CDH13: variants seen among roughly 807,000 people sequenced by gnomAD.
CDH13 encodes cadherin-13.
Under a neutral mutation model 63.8 loss-of-function variants are expected in CDH13, and 24 were observed. The ratio of observed to expected loss-of-function variants is 0.38; its 90% CI spans 0.27 to 0.53. CDH13 has a LOEUF of 0.53. Among genes scored for constraint, CDH13 ranks in the 20% least tolerant of loss-of-function variants. The probability of loss-of-function intolerance (pLI) is 0.85; values close to 1 mark genes in which losing one functional copy is unlikely to be tolerated. For missense variants in CDH13, 1,049 were observed against 903.1 expected (o/e 1.16, Z -2.07); for synonymous variants, 503 against 355.3 (o/e 1.42, Z -4.67).
chr16:82,727,472 C>G (rs1193699701), intron 1 of CDH13: 5 of 152,116 alleles, frequency 3.3e-5, no homozygotes, highest in Admixed American at 2.6e-4. Context: ...CCCTCTCTAC[C>G]CAGGAGAATA....
intron 7 of CDH13, among the ~76,000 whole-genome samples, chr16:83,490,629 A>G (rs1393109567): frequency 6.6e-6 from 1 of 152,146 alleles, no homozygotes; most frequent in Non-Finnish European, 1.5e-5. Flanking sequence ...TTGTGGGATG[A>G]TGTTTGGCTT....
chr16:82,877,695 A>G (rs1159771952), intron 2 of CDH13, among the ~76,000 whole-genome samples: 1 of 152,088 alleles, frequency 6.6e-6, no homozygotes, highest in Non-Finnish European at 1.5e-5. Context: ...AATATTCCAG[A>G]AAGCATGCAA....
chr16:83,534,475 A>G (rs758611252), intron 7 of CDH13, among the ~76,000 whole-genome samples: 1 of 152,252 alleles, frequency 6.6e-6, no homozygotes, highest in Non-Finnish European at 1.5e-5. Context: ...CAAATAAGCC[A>G]TCAAATGTTA....
chr16:83,350,417 A>G (rs1451421140), intron 6 of CDH13, among the ~76,000 whole-genome samples: 2 of 152,250 alleles, frequency 1.3e-5, no homozygotes, highest in African/African-American at 4.8e-5. Flanking sequence ...GTCCTGAAAG[A>G]TGCACATTGC....
At chr16:83,496,479 C>G (rs2074147069) in intron 7 of CDH13, among the ~76,000 whole-genome samples, 1 of 151,440 alleles carries the variant, frequency 6.6e-6, no homozygotes, top group African/African-American at 2.4e-5. Context: ...GAAACTGGAT[C>G]CCTTCCTTAC....
intron 6 of CDH13, among the ~76,000 whole-genome samples, chr16:83,382,655 G>T (rs140407067): frequency 5.8e-4 from 88 of 152,162 alleles, no homozygotes; most frequent in African/African-American, 2.1e-3. Context: ...TCCACACCCC[G>T]TTCAGGGTTT....
At chr16:83,216,098 C>T (rs189704747) in intron 4 of CDH13, among the ~76,000 whole-genome samples, 73 of 151,942 alleles carry the variant, frequency 4.8e-4, no homozygotes, top group African/African-American at 1.3e-3. Context: ...TGTCTGCCTG[C>T]TGCCTTTGTC....
intron 7 of CDH13, among the ~76,000 whole-genome samples, chr16:83,594,676 G>A (rs1701141998): frequency 1.3e-5 from 2 of 152,188 alleles, no homozygotes; most frequent in African/African-American, 4.8e-5. Flanking sequence ...ATGGGGTACT[G>A]TGTGGGTTAA....
chr16:83,713,635 C>T (rs1282937216), intron 10 of CDH13, among the ~76,000 whole-genome samples: 2 of 152,120 alleles, frequency 1.3e-5, no homozygotes, highest in Non-Finnish European at 2.9e-5. Flanking sequence ...AAACCTAACT[C>T]AAACCAGAAT....
chr16:83,346,710 C>T (rs1597800292), intron 6 of CDH13, among the ~76,000 whole-genome samples: 2 of 152,116 alleles, frequency 1.3e-5, no homozygotes, highest in Admixed American at 6.5e-5. Context: ...CATGTATATA[C>T]ATGTAATATT....
intron 8 of CDH13, among the ~76,000 whole-genome samples, chr16:83,629,284 A>G (rs1419590247): frequency 6.6e-6 from 1 of 152,230 alleles, no homozygotes; most frequent in Non-Finnish European, 1.5e-5. Flanking sequence ...GATTTTAAAA[A>G]TATATTTTAT....
rs78500438 is a variant in CDH13 at position 83,139,590 on chromosome 16, A to G, written c.483+14089A>G. Among the ~76,000 whole-genome samples, 271 of 152,328 alleles carry G rather than the reference A, an allele frequency of 1.8e-3. 1 individual carries two copies. The highest frequency in any genetic ancestry group is 5.6e-3 in the African/African-American group (231 of 41,582). On this transcript the variant is annotated intron_variant, in intron 4 of 13. Transcript: ENST00000567109. ...TTATTTGCATCTGGAAATCATTCCTAACATGCCATGAAATACATCTGTTTT... is the reference window on the plus strand; with the variant it reads ...TTATTTGCATCTGGAAATCATTCCTGACATGCCATGAAATACATCTGTTTT...
At chr16:83,762,959 T>G (rs1351381824) in intron 11 of CDH13, among the ~76,000 whole-genome samples, 1 of 152,194 alleles carries the variant, frequency 6.6e-6, no homozygotes, top group East Asian at 1.9e-4. Flanking sequence ...TCCCTGTTAG[T>G]TCCCCCTAAG....
rs188170916 is a variant in CDH13, at chr16:83,090,115, C to G, written c.367-35270C>G. 1.2e-3 allele frequency among the ~76,000 whole-genome samples: 186 copies of G among 152,278 alleles called. 1 individual carries two copies. The highest frequency in any genetic ancestry group is 1.0e-2 in the South Asian group (48 of 4,822). ...GGCTTTGACTGGTCGTCAACCCCAC[C>G]CACAAAAGCCTACAGCTTCCTCCTA... is the stretch of plus-strand genomic sequence containing the variant. On this transcript the variant is annotated intron_variant, in intron 3 of 13. Coordinates refer to ENST00000567109, the MANE Select transcript of CDH13 (RefSeq NM_001257.5).
At chr16:83,162,699 C>G (rs1044943503) in intron 4 of CDH13, among the ~76,000 whole-genome samples, 1 of 152,036 alleles carries the variant, frequency 6.6e-6, no homozygotes, top group Non-Finnish European at 1.5e-5. Flanking sequence ...ACACCACTAC[C>G]ACTACCACCA....
intron 1 of CDH13, among the ~76,000 whole-genome samples, chr16:82,795,432 G>T (rs2036534175): frequency 6.6e-6 from 1 of 152,182 alleles, no homozygotes; most frequent in Non-Finnish European, 1.5e-5. Flanking sequence ...GCCCGGAGGG[G>T]TCGGGGAACC....
intron 2 of CDH13, among the ~76,000 whole-genome samples, chr16:82,962,331 C>G (rs544326926): frequency 6.6e-6 from 1 of 152,280 alleles, no homozygotes; most frequent in South Asian, 2.1e-4. Flanking sequence ...AGGAAGGATC[C>G]TTTTTTAGAG....
chr16:82,664,482 C>G (rs1188123052), intron 1 of CDH13, among the ~76,000 whole-genome samples: 1 of 152,232 alleles, frequency 6.6e-6, no homozygotes, highest in Non-Finnish European at 1.5e-5. Flanking sequence ...GAGCCCAGCA[C>G]AGTCAGAGTC....
intron 1 of CDH13, among the ~76,000 whole-genome samples, chr16:82,751,484 T>A (rs114022103): frequency 6.6e-6 from 1 of 152,024 alleles, no homozygotes; most frequent in Non-Finnish European, 1.5e-5. Context: ...ACTGACCTCC[T>A]ACTACAGCAC....
Sources: gnomAD v4.1 joint callset for allele counts (sites outside exome capture counted in the v4.1 genomes callset) on GRCh38, gnomAD v4.1.1 for gene constraint, MANE v1.5 for transcripts, NCBI Gene and HGNC (gene_info 2026-07-23, HGNC 2026-07-21) for gene names.